The following CUL2 variants were observed in gnomAD, a reference collection of about 807,000 sequenced individuals.
CUL2 encodes cullin-2.
A neutral mutation model predicts 110.2 loss-of-function variants in CUL2; 22 were observed. The ratio of observed to expected loss-of-function variants is 0.20; its 90% CI spans 0.14 to 0.28. CUL2 has a LOEUF of 0.28. Among genes scored for constraint, CUL2 ranks in the 10% least tolerant of loss-of-function variants. The probability of loss-of-function intolerance (pLI) is 1.00; values close to 1 mark genes in which losing one functional copy is unlikely to be tolerated. For missense variants in CUL2, 631 were observed against 905.5 expected (o/e 0.70, Z 3.89); for synonymous variants, 279 against 293.2 (o/e 0.95, Z 0.49).
intron 6 of CUL2, among the ~76,000 whole-genome samples, chr10:35,047,862 G>A (rs1588997091): frequency 2.0e-5 from 3 of 151,860 alleles, no homozygotes; most frequent in Admixed American, 2.0e-4. Context: ...CTGAAATCAT[G>A]TCACCGCACT....
At chr10:35,080,438 TTTATTTA>T (rs2086918042) in intron 1 of CUL2, among the ~76,000 whole-genome samples, 1 of 62,936 alleles carries the variant, frequency 1.6e-5, no homozygotes, top group Non-Finnish European at 3.4e-5. Flanking sequence ...CCTATTTTTA[TTTATTTA>T]TTTATTTATT....
intron 8 of CUL2, among the ~76,000 whole-genome samples, chr10:35,040,008 C>A (rs1429367922): frequency 6.6e-6 from 1 of 152,040 alleles, no homozygotes; most frequent in Non-Finnish European, 1.5e-5. Context: ...AAAAAATTAG[C>A]CAGGTGTGGT....
intron 17 of CUL2, among the ~76,000 whole-genome samples, chr10:35,020,260 G>A (rs186012790): frequency 2.2e-3 from 328 of 152,054 alleles, no homozygotes; most frequent in Middle Eastern, 3.4e-3. Flanking sequence ...GTGTGTCAAA[G>A]AATGCTGAGA....
intron 18 of CUL2, 29 bp downstream of exon 18, chr10:35,016,163 C>G: frequency 6.4e-7 from 1 of 1,570,700 alleles, no homozygotes. Flanking sequence ...GCTGATGATG[C>G]TTAAATTCTT....
intron 1 of CUL2, among the ~76,000 whole-genome samples, chr10:35,116,003 T>C (rs767562732): frequency 1.3e-5 from 2 of 151,930 alleles, no homozygotes; most frequent in Non-Finnish European, 2.9e-5. Context: ...AGATTTGGCT[T>C]GAAAGATGAT....
upstream of CUL2, among the ~76,000 whole-genome samples, chr10:35,092,784 AC>A (rs1334546689): frequency 6.8e-6 from 1 of 147,606 alleles, no homozygotes; most frequent in East Asian, 2.1e-4. Context: ...CCCTAAAACT[AC>A]CCCTGCTCTT....
chr10:35,093,039 A>G (rs1370835076), upstream of CUL2, among the ~76,000 whole-genome samples: 1 of 151,942 alleles, frequency 6.6e-6, no homozygotes, highest in Non-Finnish European at 1.5e-5. Context: ...CCCCACCTGG[A>G]CTCGTGACTC....
chr10:35,055,898 C>T (rs923211299), intron 4 of CUL2, among the ~76,000 whole-genome samples: 1 of 152,164 alleles, frequency 6.6e-6, no homozygotes, highest in Non-Finnish European at 1.5e-5. Flanking sequence ...ATGGCCTCTC[C>T]ACCTAAGTGC....
chr10:35,021,142 T>C (rs2085170527), intron 17 of CUL2, among the ~76,000 whole-genome samples: 1 of 152,032 alleles, frequency 6.6e-6, no homozygotes, highest in African/African-American at 2.4e-5. Context: ...GAAGACTTTG[T>C]AGGGAGCACA....
At chr10:35,045,355 A>G (rs997847463) in intron 6 of CUL2, among the ~76,000 whole-genome samples, 4 of 152,126 alleles carry the variant, frequency 2.6e-5, no homozygotes, top group Non-Finnish European at 1.5e-5. Context: ...TTGGGAGGCC[A>G]AGGTGGGAGG....
chr10:35,083,084 G>T (rs2086979883), intron 1 of CUL2, among the ~76,000 whole-genome samples: 1 of 150,010 alleles, frequency 6.7e-6, no homozygotes, highest in Non-Finnish European at 1.5e-5. Flanking sequence ...TTGAACCCAG[G>T]AGGCAAAGGT....
At chr10:35,055,207 C>A (rs1311620864) in intron 4 of CUL2, among the ~76,000 whole-genome samples, 1 of 152,202 alleles carries the variant, frequency 6.6e-6, no homozygotes, top group African/African-American at 2.4e-5. Flanking sequence ...CCAGATTTCA[C>A]TATAATGCCT....
At chr10:35,020,337 C>G (rs1368621070) in intron 17 of CUL2, among the ~76,000 whole-genome samples, 1 of 152,194 alleles carries the variant, frequency 6.6e-6, no homozygotes, top group Non-Finnish European at 1.5e-5. Context: ...TCAAGCAAGT[C>G]ACCTTGGGAC....
chr10:35,097,288 TG>T (rs2087312833), intron 2 of CUL2, among the ~76,000 whole-genome samples: 1 of 152,048 alleles, frequency 6.6e-6, no homozygotes, highest in Non-Finnish European at 1.5e-5. Context: ...CAGATGCATC[TG>T]TGCCTTGGAT....
intron 2 of CUL2, chr10:35,063,982 G>A (rs925006449): frequency 6.6e-6 from 1 of 152,062 alleles, no homozygotes; most frequent in African/African-American, 2.4e-5. Context: ...TTTGTCCACA[G>A]GAACAATGAC....
chr10:35,083,483 A>G (rs977911224), intron 1 of CUL2, among the ~76,000 whole-genome samples: 7 of 152,176 alleles, frequency 4.6e-5, no homozygotes, highest in Non-Finnish European at 1.0e-4. Context: ...TCTAAATATC[A>G]TTCTCCAAAA....
chr10:35,078,027 C>T (rs544844757), intron 1 of CUL2, among the ~76,000 whole-genome samples: 1 of 151,890 alleles, frequency 6.6e-6, no homozygotes, highest in Non-Finnish European at 1.5e-5. Flanking sequence ...ATTTAAAAAT[C>T]CTACTCCTCA....
intron 1 of CUL2, among the ~76,000 whole-genome samples, chr10:35,078,439 G>A (rs997879964): frequency 2.6e-5 from 4 of 151,950 alleles, no homozygotes; most frequent in African/African-American, 9.7e-5. Context: ...GGAATTACAG[G>A]CTTGCGCCAC....
At chr10:35,105,226 C>T (rs1368955112) in intron 1 of CUL2, among the ~76,000 whole-genome samples, 2 of 150,134 alleles carry the variant, frequency 1.3e-5, no homozygotes, top group African/African-American at 4.9e-5. Flanking sequence ...GAAATCGAGA[C>T]CATCCTGGTT....
Sources: gnomAD v4.1 joint callset for allele counts (sites outside exome capture counted in the v4.1 genomes callset) on GRCh38, gnomAD v4.1.1 for gene constraint, MANE v1.5 for transcripts, NCBI Gene and HGNC (gene_info 2026-07-23, HGNC 2026-07-21) for gene names.